PCDHGB7: variants seen among roughly 807,000 people sequenced by gnomAD.
PCDHGB7 encodes protocadherin gamma-B7.
Under a neutral mutation model 61.4 loss-of-function variants are expected in PCDHGB7, and 37 were observed. That is an observed-to-expected ratio of 0.60 (90% CI 0.46 to 0.79). PCDHGB7 has a LOEUF of 0.79. Among genes scored for constraint, PCDHGB7 ranks in the 30% least tolerant of loss-of-function variants. The pLI is 0.00. For synonymous variants in PCDHGB7, 464 were observed against 503.5 expected (o/e 0.92, Z 1.05); for missense variants, 1,166 against 1,202.5 (o/e 0.97, Z 0.45).
Position 141,418,776 on chromosome 5 carries a change from C to G in PCDHGB7, c.917C>G (p.Pro306Arg), listed in dbSNP as rs763308217. 6.2e-7 allele frequency: 1 copy of G among 1,613,806 alleles called. No homozygotes were observed. The highest frequency in any genetic ancestry group is 2.2e-5 in the East Asian group (1 of 44,884). ...ACAGGAAACATTCTAACTCAGCAGC[C>G]TTTGGATTTTGAAGAAGTAGAAAGA... Reference protein sequence around the residue: ...YTTGNILTQQPLDFEEVERYT... With the variant: ...YTTGNILTQQRLDFEEVERYT... The change falls in exon 1 of 4, where the codon CCT becomes CGT. Residue 306 changes from proline to arginine, a missense_variant. Transcript: ENST00000398594.
At chr5:141,471,802 A>G (rs2154571076) in intron 1 of PCDHGB7, among the ~76,000 whole-genome samples, 1 of 152,362 alleles carries the variant, frequency 6.6e-6, no homozygotes, top group African/African-American at 2.4e-5. Context: ...TATAAAAGAC[A>G]TATAAAAGAC....
intron 1 of PCDHGB7, among the ~76,000 whole-genome samples, chr5:141,434,248 G>A (rs1347428778): frequency 2.0e-5 from 3 of 152,188 alleles, no homozygotes; most frequent in Non-Finnish European, 2.9e-5. Flanking sequence ...GATGACTTGG[G>A]CATTGTGGGG....
At chr5:141,495,591 C>G (rs2099762279) in intron 2 of PCDHGB7, among the ~76,000 whole-genome samples, 3 of 152,222 alleles carry the variant, frequency 2.0e-5, no homozygotes, top group African/African-American at 7.2e-5. Context: ...CCATCTCTGT[C>G]TTAGCTTCCG....
intron 1 of PCDHGB7, among the ~76,000 whole-genome samples, chr5:141,425,410 A>G (rs1283299220): frequency 2.0e-5 from 3 of 152,240 alleles, no homozygotes; most frequent in African/African-American, 7.2e-5. Flanking sequence ...TTAAGGTATA[A>G]CATATAGTCC....
chr5:141,465,483 A>T (rs1279787337), intron 1 of PCDHGB7, among the ~76,000 whole-genome samples: 1 of 152,236 alleles, frequency 6.6e-6, no homozygotes, highest in Non-Finnish European at 1.5e-5. Flanking sequence ...TCATGAGAGG[A>T]ATGAGCGGGA....
intron 2 of PCDHGB7, among the ~76,000 whole-genome samples, chr5:141,500,788 A>T (rs1379810633): frequency 2.6e-5 from 4 of 152,198 alleles, no homozygotes; most frequent in Admixed American, 6.5e-5. Context: ...ATATTATTTT[A>T]CAGAATAAGT....
Position 141,491,095 on chromosome 5 carries a change from T to C in PCDHGB7, c.2416-3712T>C, listed in dbSNP as rs1366401829. On this transcript the variant is annotated intron_variant, in intron 1 of 3. Coordinates refer to ENST00000398594, the MANE Select transcript of PCDHGB7 (RefSeq NM_018927.4). The surrounding 1 kb of genome is among the most constrained non-coding windows in gnomAD (Gnocchi z 6.9). ...GCCACAGTCCACAGCCCCAGGACTG[T>C]TCCTCGTGTCTACACACACTGGTGA... The C allele has an allele frequency of 3.7e-6, 6 of 1,614,154 alleles. No homozygotes were observed. The highest frequency in any genetic ancestry group is 4.2e-6 in the Non-Finnish European group (5 of 1,180,014).
intron 1 of PCDHGB7, chr5:141,421,919 TG>T: frequency 6.2e-7 from 1 of 1,613,642 alleles, no homozygotes; most frequent in Non-Finnish European, 8.5e-7. Flanking sequence ...CCCATTCGTG[TG>T]GTGGTCCTCG....
chr5:141,464,402 G>GAT (rs1039725208), intron 1 of PCDHGB7, among the ~76,000 whole-genome samples: 22 of 150,720 alleles, frequency 1.5e-4, no homozygotes, highest in Admixed American at 7.3e-4. Context: ...AAGAACCTGA[G>GAT]ATATATATAT....
rs71576115 is a variant in PCDHGB7, at chr5:141,463,438, CTTTT to C, written c.2416-31344_2416-31341del. Among the ~76,000 whole-genome samples, 12 of 103,242 alleles carry C rather than the reference CTTTT, an allele frequency of 1.2e-4. No homozygotes were observed. In the South Asian group the frequency reaches 1.6e-3, roughly 14 times the overall value. 67.7% of individuals were successfully genotyped at this position (103,242 alleles called of 152,430 possible). ...GTTTGCGGATCCTCATTTCCTTCTCCTTTTTTTTTTTTTTTTTTTTTTTTTTTTG... is the reference window on the plus strand; with the variant it reads ...GTTTGCGGATCCTCATTTCCTTCTCCTTTTTTTTTTTTTTTTTTTTTTTTG... On this transcript the variant is annotated intron_variant, in intron 1 of 3. Coordinates refer to ENST00000398594, the MANE Select transcript of PCDHGB7 (RefSeq NM_018927.4).
chr5:141,423,656 A>G (rs988976310), intron 1 of PCDHGB7: 2 of 1,571,854 alleles, frequency 1.3e-6, no homozygotes, highest in African/African-American at 1.4e-5. Context: ...CCGACAAGTA[A>G]TCAGGTGAGA....
chr5:141,446,043 A>T (rs1374577548), intron 1 of PCDHGB7, among the ~76,000 whole-genome samples: 2 of 152,226 alleles, frequency 1.3e-5, no homozygotes, highest in Non-Finnish European at 2.9e-5. Flanking sequence ...AAATGGAAGA[A>T]GAGCTGGCTT....
chr5:141,441,162 G>A (rs1009205566), intron 1 of PCDHGB7: 48 of 152,166 alleles, frequency 3.2e-4, no homozygotes, highest in Admixed American at 1.5e-3. Flanking sequence ...TCCTAGAGGC[G>A]ATTTTTACTT....
In PCDHGB7 at chr5:141,512,470, T is replaced by G. The variant is rs2099884244; in HGVS notation, c.*1297T>G. On this transcript the variant is annotated 3_prime_UTR_variant, in exon 4 of 4. Transcript: ENST00000398594. ...TTCACCTTGCCAGGTGCCGTTTCTC[T>G]TCCGTGAAGGCCACTGCCCAGGTCC... 6.5e-6 allele frequency: 1 copy of G among 152,892 alleles called. No individual in the cohort carries two copies. The highest frequency in any genetic ancestry group is 2.1e-4 in the South Asian group (1 of 4,834). 9.5% of individuals were successfully genotyped at this position (152,892 alleles called of 1,614,324 possible).
intron 1 of PCDHGB7, among the ~76,000 whole-genome samples, chr5:141,443,202 C>T (rs546748238): frequency 2.6e-5 from 4 of 152,172 alleles, no homozygotes; most frequent in Non-Finnish European, 1.5e-5. Flanking sequence ...GTACAAAGAG[C>T]TTGTCTCGCC....
At chr5:141,492,512 T>A (rs2099741406) in intron 1 of PCDHGB7, among the ~76,000 whole-genome samples, 1 of 152,116 alleles carries the variant, frequency 6.6e-6, no homozygotes, top group Admixed American at 6.5e-5. Flanking sequence ...GAGCCTCCTC[T>A]CACCTCTCCC....
chr5:141,425,177 GGAATTCCAAACTGA>G (rs2096860295), intron 1 of PCDHGB7, among the ~76,000 whole-genome samples: 1 of 152,036 alleles, frequency 6.6e-6, no homozygotes, highest in South Asian at 2.1e-4. Flanking sequence ...TTATACTTGT[GGAATTCCAAACTGA>G]GAAAAATGAT....
chr5:141,430,705 T>C (rs914464861), intron 1 of PCDHGB7: 3 of 1,477,958 alleles, frequency 2.0e-6, no homozygotes, highest in African/African-American at 2.8e-5. Flanking sequence ...AAGGAACTGC[T>C]CCTGACTTCA....
chr5:141,430,987 C>T (rs1171599563), intron 1 of PCDHGB7: 2 of 1,613,690 alleles, frequency 1.2e-6, no homozygotes, highest in African/African-American at 2.7e-5. Context: ...AGCTTTTCGC[C>T]CTGAATCCGC....
Sources: allele counts gnomAD v4.1 joint callset (sites outside exome capture counted in the v4.1 genomes callset), GRCh38; gene constraint gnomAD v4.1.1; non-coding constraint Gnocchi (gnomAD v3.1); transcripts MANE v1.5; gene names NCBI Gene and HGNC (gene_info 2026-07-23, HGNC 2026-07-21).